MCPH1: variants seen among roughly 807,000 people sequenced by gnomAD.
MCPH1 encodes microcephalin.
Under a neutral mutation model 84.5 loss-of-function variants are expected in MCPH1, and 104 were observed. The ratio of observed to expected loss-of-function variants is 1.23; its 90% CI spans 1.05 to 1.45. MCPH1 has a LOEUF of 1.45. Ranked by LOEUF, MCPH1 falls within the 40% of genes most tolerant of loss-of-function variation. MCPH1 has a pLI of 0.00. For missense variants in MCPH1, 1,498 were observed against 1,005.7 expected, an observed-to-expected ratio of 1.49 and a Z score of -6.62; for synonymous variants, 514 against 366.8, an observed-to-expected ratio of 1.40 and a Z score of -4.58.
At chr8:6,497,572 C>G (rs1811384694) in intron 11 of MCPH1, among the ~76,000 whole-genome samples, 1 of 152,126 alleles carries the variant, frequency 6.6e-6, no homozygotes, top group African/African-American at 2.4e-5. Context: ...AGTACTCCAT[C>G]ATAATATATG....
rs1798058424 is a variant in MCPH1 at position 6,643,403 on chromosome 8, T to G, written c.*354T>G. On this transcript the variant is annotated 3_prime_UTR_variant, in exon 14 of 14. Transcript: ENST00000344683. Reference sequence around the variant, plus strand: ...CCTCAGCCTCCTGAGTAGCTGGGATTACAGATGTGTGCCACCATGCCTGGC... The same window carrying G: ...CCTCAGCCTCCTGAGTAGCTGGGATGACAGATGTGTGCCACCATGCCTGGC... The G allele has an allele frequency of 3.2e-6, 1 of 313,432 alleles. No individual in the cohort carries two copies. Among genetic ancestry groups the G allele is most frequent in the Non-Finnish European group, 6.1e-6 (1 of 163,906 alleles). The allele number at this position is 313,432 out of a possible 1,614,324, so 19.4% of individuals were successfully genotyped here.
chr8:6,621,759 G>A (rs1216224258), intron 13 of MCPH1, 68 bp downstream of exon 13: 18 of 1,607,216 alleles, frequency 1.1e-5, no homozygotes, highest in African/African-American at 2.7e-5. Context: ...AGGGAGGGCG[G>A]CGTCAGGCTC....
At chr8:6,410,110 C>T (rs1291302781) in intron 2 of MCPH1, among the ~76,000 whole-genome samples, 1 of 151,934 alleles carries the variant, frequency 6.6e-6, no homozygotes, top group Non-Finnish European at 1.5e-5. Flanking sequence ...TCTGGGACTA[C>T]AGGCACATGC....
chr8:6,537,664 C>T (rs1023646650), intron 12 of MCPH1, among the ~76,000 whole-genome samples: 4 of 151,772 alleles, frequency 2.6e-5, no homozygotes, highest in African/African-American at 9.7e-5. Context: ...AAAATAGGTC[C>T]ATTTGTGAGG....
intron 12 of MCPH1, among the ~76,000 whole-genome samples, chr8:6,528,957 A>G (rs1012179503): frequency 6.6e-6 from 1 of 152,228 alleles, no homozygotes; most frequent in Non-Finnish European, 1.5e-5. Context: ...AACACCTGGA[A>G]TATACATTTG....
intron 12 of MCPH1, among the ~76,000 whole-genome samples, chr8:6,561,905 T>G (rs2086608263): frequency 6.6e-6 from 1 of 152,186 alleles, no homozygotes; most frequent in African/African-American, 2.4e-5. Context: ...AAGAACAAAC[T>G]GTCAGACAGA....
intron 9 of MCPH1, among the ~76,000 whole-genome samples, chr8:6,474,596 T>A (rs1486920571): frequency 2.0e-5 from 3 of 152,238 alleles, no homozygotes; most frequent in Non-Finnish European, 2.9e-5. Flanking sequence ...TCAATTTGAT[T>A]AAGCACAAAT....
chr8:6,512,665 C>G (rs73199035), intron 12 of MCPH1, among the ~76,000 whole-genome samples: 1,643 of 152,238 alleles, frequency 0.011, 26 homozygotes, highest in Non-Finnish European at 0.014. Flanking sequence ...GTGCATGTGG[C>G]TTCACCGTAC....
intron 12 of MCPH1, chr8:6,500,920 T>C (rs1048628513): frequency 6.6e-6 from 1 of 152,250 alleles, no homozygotes; most frequent in African/African-American, 2.4e-5. Flanking sequence ...TTGCCAGTTT[T>C]TCCTGCATTA....
chr8:6,510,500 T>G (rs983185766), intron 12 of MCPH1, among the ~76,000 whole-genome samples: 2 of 152,192 alleles, frequency 1.3e-5, no homozygotes, highest in Non-Finnish European at 2.9e-5. Context: ...AAAATGTTCT[T>G]TTAGTTTTAC....
chr8:6,604,531 G>C (rs2129578538), intron 12 of MCPH1, among the ~76,000 whole-genome samples: 1 of 152,342 alleles, frequency 6.6e-6, no homozygotes, highest in Non-Finnish European at 1.5e-5. Flanking sequence ...TTGAGACGGA[G>C]TCTCACTCTA....
chr8:6,530,640 A>C (rs990832206), intron 12 of MCPH1, among the ~76,000 whole-genome samples: 1 of 151,992 alleles, frequency 6.6e-6, no homozygotes, highest in Non-Finnish European at 1.5e-5. Context: ...CCTAAGATTT[A>C]AATTTTTAGT....
At position 6,455,143 on chromosome 8, in the gene MCPH1, G is replaced by A. The variant is rs748403652; in HGVS notation, c.1826G>A (p.Ser609Asn). 1.2e-6 allele frequency: 2 copies of A among 1,612,590 alleles called. No individual in the cohort carries two copies. Among genetic ancestry groups the A allele is most frequent in the East Asian group, 2.2e-5 (1 of 44,830 alleles). The part of the protein sequence containing the change: ...KENLPGGYSG[S>N]VKNRPTRHDV... ...AATTTTTAATCCCCTTGGGTTTTAG[G>A]TGTTAAAAATAGACCAACAAGGCAT... The change falls in exon 9 of 14, where the codon AGT becomes AAT. Residue 609 changes from serine to asparagine, a missense_variant and splice_region_variant. Ser to Asn is a conservative substitution (Grantham distance 46). Transcript: ENST00000344683.
chr8:6,547,885 A>AT lies in MCPH1; in HGVS notation c.2214+47973dup, dbSNP rs78972556. 5.2e-3 allele frequency among the ~76,000 whole-genome samples: 617 copies of AT among 119,048 alleles called. 1 individual carries two copies. The highest frequency in any genetic ancestry group is 9.5e-3 in the Middle Eastern group (2 of 210). 78.1% of individuals were successfully genotyped at this position (119,048 alleles called of 152,430 possible). ...TGTTTCAGTGAGTCATCTTACCCCC[A>AT]TTTTTTTTTTTTTTTTTAACCAAAA... On this transcript the variant is annotated intron_variant, in intron 12 of 13. Coordinates refer to ENST00000344683, the MANE Select transcript of MCPH1 (RefSeq NM_024596.5).
intron 12 of MCPH1, among the ~76,000 whole-genome samples, chr8:6,606,807 G>A (rs117146761): frequency 0.011 from 1,746 of 152,278 alleles, 20 homozygotes; most frequent in Non-Finnish European, 0.017. Flanking sequence ...TGCTGTTCTC[G>A]TGATAGTGAA....
intron 8 of MCPH1, 161 bp downstream of exon 8, chr8:6,445,708 G>C (rs767154473): frequency 1.4e-6 from 2 of 1,416,252 alleles, no homozygotes; most frequent in Non-Finnish European, 1.8e-6. Flanking sequence ...AAACTCTTTA[G>C]GAATAGATGA....
chr8:6,579,055 G>T (rs1827340585), intron 12 of MCPH1, among the ~76,000 whole-genome samples: 1 of 152,208 alleles, frequency 6.6e-6, no homozygotes, highest in African/African-American at 2.4e-5. Context: ...GTGGGATGGA[G>T]GCTGCTTCCC....
chr8:6,509,859 T>A (rs2922907), intron 12 of MCPH1, among the ~76,000 whole-genome samples: 1 of 152,062 alleles, frequency 6.6e-6, no homozygotes, highest in South Asian at 2.1e-4. Context: ...GTGCACGCAG[T>A]GTCTGTTGTT....
At chr8:6,642,110 C>T (rs1797974770) in intron 13 of MCPH1, among the ~76,000 whole-genome samples, 1 of 152,130 alleles carries the variant, frequency 6.6e-6, no homozygotes, top group Non-Finnish European at 1.5e-5. Context: ...GATAGCTTTC[C>T]ACCTTCCATC....
Sources: allele counts gnomAD v4.1 joint callset (sites outside exome capture counted in the v4.1 genomes callset), GRCh38; gene constraint gnomAD v4.1.1; transcripts MANE v1.5; gene names NCBI Gene and HGNC (gene_info 2026-07-23, HGNC 2026-07-21).